ZNF510: variants seen among roughly 807,000 people sequenced by gnomAD.
The protein encoded by ZNF510 is zinc finger protein 510.
In ZNF510, 15 loss-of-function variants were observed where a neutral mutation model predicts 18.1. The ratio of observed to expected loss-of-function variants is 0.83; its 90% CI spans 0.55 to 1.28. The LOEUF is 1.28. ZNF510 is among the 50% of genes most tolerant of loss of function. The pLI, the probability that ZNF510 is intolerant of heterozygous loss-of-function variation, is 0.00. For missense variants in ZNF510, 724 were observed against 791.8 expected, an observed-to-expected ratio of 0.91 and a Z score of 1.03; for synonymous variants, 261 against 266.4, an observed-to-expected ratio of 0.98 and a Z score of 0.20.
chr9:96,760,372 T>C lies in ZNF510; in HGVS notation c.458A>G (p.Glu153Gly). ...INNKTLTTEE[E>G]KVLGKPFTLH... is the part of the protein sequence containing the mutation. ...AGTAAATGGTTTCCCCAAAACTTTC[T>C]CTTCCTCTGTAGTCAATGTTTTATT... The change falls in exon 6 of 6, where the codon GAG becomes GGG. Residue 153 changes from glutamate to glycine, a missense_variant. Coordinates refer to ENST00000223428, the MANE Select transcript of ZNF510 (RefSeq NM_014930.3). The C allele has an allele frequency of 6.2e-7, 1 of 1,613,876 alleles. No individual in the cohort carries two copies. Among genetic ancestry groups the C allele is most frequent in the African/African-American group, 1.3e-5 (1 of 75,044 alleles).
Position 96,755,531 on chromosome 9 carries a change from G to A in ZNF510, c.*3247C>T, listed in dbSNP as rs1039775642. Among the ~76,000 whole-genome samples, 2 of 152,130 alleles carry A rather than the reference G, an allele frequency of 1.3e-5. No homozygotes were observed. Among genetic ancestry groups the A allele is most frequent in the East Asian group, 1.9e-4 (1 of 5,172 alleles). On this transcript the variant is annotated 3_prime_UTR_variant, in exon 6 of 6. Coordinates refer to ENST00000223428, the MANE Select transcript of ZNF510 (RefSeq NM_014930.3). The stretch of plus-strand genomic sequence containing the variant: ...CTGCTGGCAGTTCTACAGTTACAAT[G>A]TAACTGGCCTATGATATTCTATTTC...
rs1849310721 is a variant in ZNF510 at position 96,760,153 on chromosome 9, T to C, written c.677A>G (p.Tyr226Cys). The change falls in exon 6 of 6, where the codon TAT becomes TGT. Residue 226 changes from tyrosine (Y) to cysteine (C), a missense_variant. By Grantham distance (194) the Tyr-to-Cys change is radical (BLOSUM62 -2). Coordinates refer to ENST00000223428, the MANE Select transcript of ZNF510 (RefSeq NM_014930.3). ...FEKTQTGEKF[Y>C]EHNKNMKALN... Reference sequence around the variant, plus strand: ...AGCTTTCATGTTTTTATTATGTTCATAAAATTTCTCTCCAGTCTGAGTTTT... The same window carrying C: ...AGCTTTCATGTTTTTATTATGTTCACAAAATTTCTCTCCAGTCTGAGTTTT... 6.2e-7 allele frequency: 1 copy of C among 1,612,264 alleles called. No homozygotes were observed. The highest frequency in any genetic ancestry group is 8.5e-7 in the Non-Finnish European group (1 of 1,179,372).
At position 96,759,306 on chromosome 9, in the gene ZNF510, T is replaced by A; in HGVS notation, c.1524A>T (p.Arg508Ser). Residue 508 changes from arginine to serine, a missense_variant, in exon 6 of 6, where the codon AGA becomes AGT. Physicochemically the swap from Arg to Ser is moderately radical, Grantham distance 110. Transcript: ENST00000223428. ...GAAAGGATTTCTCCCCTGTGTGAAT[T>A]CTGTGATGATCTCTGAGGGTGGACT... ...VQKSTLRDHH[R>S]IHTGEKSFQC... 6.2e-7 allele frequency: 1 copy of A among 1,614,164 alleles called. No homozygotes were observed. Among genetic ancestry groups the A allele is most frequent in the Non-Finnish European group, 8.5e-7 (1 of 1,180,012 alleles).
chr9:96,764,482 C>T (rs1849425307), intron 3 of ZNF510, among the ~76,000 whole-genome samples: 1 of 152,172 alleles, frequency 6.6e-6, no homozygotes. Flanking sequence ...AGTCAGTTGG[C>T]ACACAGGCAC....
At position 96,762,199 on chromosome 9, in the gene ZNF510, G is replaced by A. The variant is rs1273072223; in HGVS notation, c.352+919C>T. ...ACCACCTGTTCCCCCAAAACCTGTG[G>A]AAATTAAAAAAAAAAAAAAAAAAAA... is the stretch of plus-strand genomic sequence containing the variant. On this transcript the variant is annotated intron_variant, in intron 5 of 5. Coordinates refer to ENST00000223428, the MANE Select transcript of ZNF510 (RefSeq NM_014930.3). Among the ~76,000 whole-genome samples, 580 of 118,296 alleles carry A rather than the reference G, an allele frequency of 4.9e-3. 4 individuals carry two copies. Among genetic ancestry groups the A allele is most frequent in the African/African-American group, 0.018 (561 of 31,042 alleles). 77.6% of individuals were successfully genotyped at this position (118,296 alleles called of 152,430 possible). A position where few individuals can be genotyped will look rare whatever the true frequency, so the allele number is the denominator to read the frequency against.
chr9:96,772,789 T>C (rs10118970), intron 3 of ZNF510, among the ~76,000 whole-genome samples: 13,527 of 152,246 alleles, frequency 0.089, 2,019 homozygotes, highest in African/African-American at 0.31. Context: ...TAAACTGATT[T>C]GACCACTTAG....
At chr9:96,772,263 A>G (rs1374667425) in intron 3 of ZNF510, among the ~76,000 whole-genome samples, 1 of 152,040 alleles carries the variant, frequency 6.6e-6, no homozygotes, top group Admixed American at 6.5e-5. Flanking sequence ...CACAAAAGCT[A>G]ACTCTATGTA....
chr9:96,764,267 T>C (rs1849419780), intron 3 of ZNF510, among the ~76,000 whole-genome samples: 1 of 152,246 alleles, frequency 6.6e-6, no homozygotes, highest in African/African-American at 2.4e-5. Context: ...GCATACATCA[T>C]GGCAGGAGTC....
At chr9:96,774,917 C>CGCACATCACA in intron 2 of ZNF510, 71 bp from the exon 3 acceptor site, 1 of 1,366,988 alleles carries the variant, frequency 7.3e-7, no homozygotes, top group African/African-American at 1.4e-5. Context: ...TGTCATCACA[C>CGCACATCACA]CAGCTGGGGA....
At position 96,759,354 on chromosome 9, in the gene ZNF510, T is replaced by C. The variant is rs759887147; in HGVS notation, c.1476A>G (p.Glu492=). The C allele has an allele frequency of 6.2e-7, 1 of 1,614,162 alleles. No individual in the cohort carries two copies. Among genetic ancestry groups the C allele is most frequent in the Non-Finnish European group, 8.5e-7 (1 of 1,179,996 alleles). ...HTGEKPYECS[E]CGKTFVQKST... is the part of the protein sequence containing the mutation. The stretch of plus-strand genomic sequence containing the variant: ...ACTTCTGAACAAAAGTTTTCCCACA[T>C]TCACTACATTCATAGGGTTTTTCTC... Residue 492 remains glutamate, a synonymous_variant, in exon 6 of 6, where the codon GAA becomes GAG. Coordinates refer to ENST00000223428, the MANE Select transcript of ZNF510 (RefSeq NM_014930.3).
intron 1 of ZNF510, among the ~76,000 whole-genome samples, chr9:96,776,961 A>G (rs1226733899): frequency 1.3e-5 from 2 of 152,246 alleles, no homozygotes; most frequent in South Asian, 2.1e-4. Context: ...AAATGTGGCT[A>G]GGACCACATG....
At chr9:96,777,315 TTAG>T (rs1849722812) in intron 1 of ZNF510, among the ~76,000 whole-genome samples, 1 of 152,128 alleles carries the variant, frequency 6.6e-6, no homozygotes, top group Non-Finnish European at 1.5e-5. Context: ...CAATGCTGGG[TTAG>T]GTAGGTAGGC....
chr9:96,775,565 A>C (rs1849679105), intron 2 of ZNF510, among the ~76,000 whole-genome samples: 1 of 152,186 alleles, frequency 6.6e-6, no homozygotes, highest in African/African-American at 2.4e-5. Context: ...AGTTTCTCAA[A>C]AGACTTTCGA....
At chr9:96,763,274 T>C in intron 4 of ZNF510, 61 bp from the exon 5 acceptor site, 3 of 1,549,610 alleles carry the variant, frequency 1.9e-6, no homozygotes, top group Non-Finnish European at 2.7e-6. Flanking sequence ...TCTCCAAAAG[T>C]GGAAGAAAAT....
intron 1 of ZNF510, among the ~76,000 whole-genome samples, 180 bp from the exon 2 acceptor site, chr9:96,776,425 C>A (rs1849705299): frequency 6.6e-6 from 1 of 152,142 alleles, no homozygotes; most frequent in Non-Finnish European, 1.5e-5. Flanking sequence ...TGTTTAAGAG[C>A]ATTTCTAAAC....
Position 96,759,253 on chromosome 9 carries a change from C to G in ZNF510, c.1577G>C (p.Gly526Ala). The G allele has an allele frequency of 6.2e-7, 1 of 1,613,826 alleles. No homozygotes were observed. The highest frequency in any genetic ancestry group is 8.5e-7 in the Non-Finnish European group (1 of 1,179,972). ...FQCNQCGKTF[G>A]QKSNLRIHQR... ...ATGTATTCTGAGGTTTGACTTCTGG[C>G]CAAATGTTTTTCCACATTGATTGCA... Residue 526 changes from glycine to alanine, a missense_variant, in exon 6 of 6, where the codon GGC becomes GCC. Gly to Ala is a moderately conservative substitution (Grantham distance 60, BLOSUM62 0). Coordinates refer to ENST00000223428, the MANE Select transcript of ZNF510 (RefSeq NM_014930.3).
intron 3 of ZNF510, among the ~76,000 whole-genome samples, chr9:96,769,012 G>C (rs975457451): frequency 1.3e-4 from 20 of 152,158 alleles, no homozygotes; most frequent in African/African-American, 4.8e-4. Context: ...ATAGCACTGA[G>C]AGCCCAGAAA....
At chr9:96,762,884 C>T (rs1205456901) in intron 5 of ZNF510, 1 of 359,808 alleles carries the variant, frequency 2.8e-6, no homozygotes, top group Non-Finnish European at 5.2e-6. Flanking sequence ...GTTATTTGCA[C>T]TACATACATA....
intron 3 of ZNF510, among the ~76,000 whole-genome samples, chr9:96,772,771 T>C (rs1849608462): frequency 6.6e-6 from 1 of 152,202 alleles, no homozygotes; most frequent in African/African-American, 2.4e-5. Context: ...AGAATGCTAG[T>C]GGGAATGTAA....
Sources: gnomAD v4.1 joint callset for allele counts (sites outside exome capture counted in the v4.1 genomes callset) on GRCh38, gnomAD v4.1.1 for gene constraint, MANE v1.5 for transcripts, NCBI Gene and HGNC (gene_info 2026-07-23, HGNC 2026-07-21) for gene names.